Variants in PCCA observed in about 807,000 individuals in gnomAD.
PCCA encodes the protein propionyl-CoA carboxylase subunit alpha, also known as propionyl-CoA carboxylase alpha chain, mitochondrial.
Under a neutral mutation model 101.3 loss-of-function variants are expected in PCCA, and 74 were observed. That is an observed-to-expected ratio of 0.73 (90% CI 0.61 to 0.89). The LOEUF is 0.89. Ranked by LOEUF, PCCA falls within the 40% of genes least tolerant of loss-of-function variation. The pLI is 0.00. For synonymous variants in PCCA, 294 were observed against 313.6 expected, an observed-to-expected ratio of 0.94 and a Z score of 0.66; for missense variants, 891 against 907.0, an observed-to-expected ratio of 0.98 and a Z score of 0.23.
intron 7 of PCCA, among the ~76,000 whole-genome samples, chr13:100,220,321 G>A (rs34026332): frequency 4.0e-5 from 6 of 151,526 alleles, no homozygotes; most frequent in African/African-American, 9.7e-5. Flanking sequence ...GTGCAGTGGC[G>A]CAATCTTGGC....
At chr13:100,207,324 T>A (rs976238138) in intron 6 of PCCA, among the ~76,000 whole-genome samples, 4 of 152,184 alleles carry the variant, frequency 2.6e-5, no homozygotes, top group Non-Finnish European at 5.9e-5. Context: ...CCTCTTGAAT[T>A]TAAAGACATT....
intron 21 of PCCA, among the ~76,000 whole-genome samples, chr13:100,465,261 A>G (rs954385710): frequency 1.3e-5 from 2 of 152,202 alleles, no homozygotes; most frequent in Non-Finnish European, 2.9e-5. Context: ...TAGAATTACT[A>G]TCTAGTTTGG....
intron 4 of PCCA, among the ~76,000 whole-genome samples, chr13:100,124,910 A>AT (rs1333449473): frequency 2.0e-5 from 3 of 152,062 alleles, no homozygotes; most frequent in Non-Finnish European, 4.4e-5. Flanking sequence ...CCTCAAACGC[A>AT]TTTTTTCTCC....
At chr13:100,459,478 G>C (rs2082029965) in intron 21 of PCCA, among the ~76,000 whole-genome samples, 1 of 152,150 alleles carries the variant, frequency 6.6e-6, no homozygotes, top group African/African-American at 2.4e-5. Context: ...TCACCTGTAT[G>C]ACTGCAGTTC....
chr13:100,140,562 T>C (rs2051746771), intron 4 of PCCA, among the ~76,000 whole-genome samples: 1 of 152,208 alleles, frequency 6.6e-6, no homozygotes, highest in African/African-American at 2.4e-5. Flanking sequence ...ATTTCAGGCT[T>C]TTCCAAGGTC....
chr13:100,346,007 G>A (rs538908370), intron 18 of PCCA, among the ~76,000 whole-genome samples: 1 of 151,692 alleles, frequency 6.6e-6, no homozygotes, highest in South Asian at 2.1e-4. Flanking sequence ...TTTTTCAAAT[G>A]ATTGCTGCTC....
intron 19 of PCCA, among the ~76,000 whole-genome samples, chr13:100,372,069 G>T (rs116186701): frequency 0.014 from 2,082 of 152,306 alleles, 49 homozygotes; most frequent in African/African-American, 0.048. Flanking sequence ...GGAAGGCTGC[G>T]CACAGTGGCT....
intron 16 of PCCA, among the ~76,000 whole-genome samples, chr13:100,324,915 A>G (rs2068482082): frequency 6.6e-6 from 1 of 152,206 alleles, no homozygotes; most frequent in African/African-American, 2.4e-5. Flanking sequence ...CAAACCATAA[A>G]CTTTGAATAA....
intron 19 of PCCA, among the ~76,000 whole-genome samples, chr13:100,375,831 T>G (rs2075867136): frequency 6.6e-6 from 1 of 152,130 alleles, no homozygotes; most frequent in South Asian, 2.1e-4. Context: ...ATGCCCCAAT[T>G]AAAAGACACA....
intron 20 of PCCA, among the ~76,000 whole-genome samples, chr13:100,442,602 C>T (rs913802664): frequency 6.6e-6 from 1 of 152,132 alleles, no homozygotes; most frequent in Non-Finnish European, 1.5e-5. Flanking sequence ...CCAGTATGGC[C>T]TAGGCAGTGT....
chr13:100,393,365 T>G (rs1280579978), intron 19 of PCCA, among the ~76,000 whole-genome samples: 2 of 152,074 alleles, frequency 1.3e-5, no homozygotes, highest in African/African-American at 2.4e-5. Flanking sequence ...AAACCAAGTT[T>G]TTAAAGTTTT....
intron 18 of PCCA, among the ~76,000 whole-genome samples, chr13:100,356,789 A>G (rs2074003656): frequency 6.6e-6 from 1 of 152,208 alleles, no homozygotes; most frequent in Non-Finnish European, 1.5e-5. Flanking sequence ...ATTTTTCATA[A>G]TAGCCAGTGG....
intron 4 of PCCA, among the ~76,000 whole-genome samples, chr13:100,114,914 C>T (rs2048660107): frequency 6.6e-6 from 1 of 152,146 alleles, no homozygotes; most frequent in Non-Finnish European, 1.5e-5. Flanking sequence ...GCTAGATGTA[C>T]ATCTGCTTCT....
At chr13:100,350,131 T>C (rs913129205) in intron 18 of PCCA, among the ~76,000 whole-genome samples, 1 of 152,200 alleles carries the variant, frequency 6.6e-6, no homozygotes, top group Admixed American at 6.5e-5. Context: ...AAAGTAACCG[T>C]GTGAAAATAA....
intron 19 of PCCA, among the ~76,000 whole-genome samples, chr13:100,399,418 A>G (rs2077211216): frequency 6.6e-6 from 1 of 152,184 alleles, no homozygotes; most frequent in South Asian, 2.1e-4. Context: ...CTCCTCCTTA[A>G]AAGAAATATA....
chr13:100,206,040 T>C (rs939338249), intron 6 of PCCA, among the ~76,000 whole-genome samples: 1 of 152,186 alleles, frequency 6.6e-6, no homozygotes, highest in Non-Finnish European at 1.5e-5. Context: ...GTATGTGCTT[T>C]ACATTTTTGG....
At chr13:100,308,542 T>C (rs1021374300) in intron 15 of PCCA, among the ~76,000 whole-genome samples, 1 of 151,624 alleles carries the variant, frequency 6.6e-6, no homozygotes, top group African/African-American at 2.4e-5. Context: ...CCCAGGCTGA[T>C]CTCGAATACC....
At chr13:100,105,057 A>G (rs1264594553) in intron 2 of PCCA, among the ~76,000 whole-genome samples, 2 of 152,148 alleles carry the variant, frequency 1.3e-5, no homozygotes, top group African/African-American at 4.8e-5. Flanking sequence ...CAAAATTAAT[A>G]ATATCTCAAT....
intron 4 of PCCA, among the ~76,000 whole-genome samples, chr13:100,139,984 C>G (rs1169999178): frequency 6.6e-6 from 1 of 151,698 alleles, no homozygotes; most frequent in Admixed American, 6.6e-5. Flanking sequence ...GTGTCAACAA[C>G]TCATCAGTCT....
Sources: allele counts gnomAD v4.1 joint callset (sites outside exome capture counted in the v4.1 genomes callset), GRCh38; gene constraint gnomAD v4.1.1; transcripts MANE v1.5; gene names NCBI Gene and HGNC (gene_info 2026-07-23, HGNC 2026-07-21).